Variants in IGFBP7 observed in about 807,000 individuals in gnomAD.
IGFBP7 encodes the protein insulin like growth factor binding protein 7, also known as insulin-like growth factor-binding protein 7.
In IGFBP7, 31 loss-of-function variants were observed where a neutral mutation model predicts 29.4. The observed-to-expected ratio is 1.05, with a 90% CI of 0.79 to 1.42. The LOEUF is 1.42. Among genes scored for constraint, IGFBP7 ranks in the 40% most tolerant of loss-of-function variants. The pLI, the probability that IGFBP7 is intolerant of heterozygous loss-of-function variation, is 0.00. For synonymous variants in IGFBP7, 172 were observed against 174.9 expected, an observed-to-expected ratio of 0.98 and a Z score of 0.13; for missense variants, 393 against 395.5, an observed-to-expected ratio of 0.99 and a Z score of 0.05.
intron 1 of IGFBP7, among the ~76,000 whole-genome samples, chr4:57,084,788 G>GTTTTTTTTTTTTTTTTTTT (rs57704332): frequency 1.8e-5 from 2 of 113,092 alleles, no homozygotes; most frequent in African/African-American, 6.9e-5. Flanking sequence ...TTTAAAAAAG[G>GTTTTTTTTTTTTTTTTTTT]TTTTTTTTTT....
intron 1 of IGFBP7, among the ~76,000 whole-genome samples, chr4:57,068,518 G>A (rs1377578891): frequency 6.6e-6 from 1 of 152,132 alleles, no homozygotes; most frequent in African/African-American, 2.4e-5. Flanking sequence ...AGTAACGGCA[G>A]AGAAAAATAA....
intron 1 of IGFBP7, among the ~76,000 whole-genome samples, chr4:57,044,564 TC>T (rs1298747257): frequency 6.6e-6 from 1 of 152,208 alleles, no homozygotes; most frequent in Non-Finnish European, 1.5e-5. Context: ...TCATTTTTCC[TC>T]CCCTAAAAGG....
At chr4:57,075,157 A>G (rs1308757132) in intron 1 of IGFBP7, among the ~76,000 whole-genome samples, 2 of 152,226 alleles carry the variant, frequency 1.3e-5, no homozygotes, top group Non-Finnish European at 2.9e-5. Context: ...CCATTTATTC[A>G]TGCTAAAATG....
Position 57,066,974 on chromosome 4 carries a change from G to GT in IGFBP7, c.476-26042dup, listed in dbSNP as rs61431158. Among the ~76,000 whole-genome samples, 1,352 of 142,596 alleles carry GT rather than the reference G, an allele frequency of 9.5e-3. 7 individuals are homozygous for GT. The highest frequency in any genetic ancestry group is 0.023 in the East Asian group (112 of 4,960). 93.5% of individuals were successfully genotyped at this position (142,596 alleles called of 152,430 possible). Reference sequence around the variant, plus strand: ...AATAATCATAATCTCTTTTTGGAAGGTTTTTTTTTTTTTGGTGTGTTTTTA... The same window carrying GT: ...AATAATCATAATCTCTTTTTGGAAGGTTTTTTTTTTTTTTGGTGTGTTTTTA... On this transcript the variant is annotated intron_variant, in intron 1 of 4. Coordinates refer to ENST00000295666, the MANE Select transcript of IGFBP7 (RefSeq NM_001553.3).
At chr4:57,066,253 T>C (rs1232428398) in intron 1 of IGFBP7, among the ~76,000 whole-genome samples, 1 of 152,176 alleles carries the variant, frequency 6.6e-6, no homozygotes, top group Non-Finnish European at 1.5e-5. Context: ...GATCACTTGC[T>C]CTGGGAGAAG....
intron 1 of IGFBP7, among the ~76,000 whole-genome samples, chr4:57,101,488 G>C (rs1222329221): frequency 6.6e-6 from 1 of 152,168 alleles, no homozygotes; most frequent in African/African-American, 2.4e-5. Context: ...ACATTGATGG[G>C]GGTGAGGCTT....
intron 1 of IGFBP7, among the ~76,000 whole-genome samples, chr4:57,053,434 G>A (rs1327716550): frequency 6.6e-6 from 1 of 152,124 alleles, no homozygotes. Context: ...GGTGGTTCTG[G>A]TACATGTGGT....
At chr4:57,081,012 G>A (rs1295881490) in intron 1 of IGFBP7, among the ~76,000 whole-genome samples, 1 of 152,182 alleles carries the variant, frequency 6.6e-6, no homozygotes, top group Non-Finnish European at 1.5e-5. Context: ...GCTGACAGAT[G>A]CCATCTGGTC....
At chr4:57,046,185 G>A (rs1239459380) in intron 1 of IGFBP7, among the ~76,000 whole-genome samples, 3 of 152,028 alleles carry the variant, frequency 2.0e-5, no homozygotes, top group Non-Finnish European at 4.4e-5. Context: ...GTTTTCGGTG[G>A]ATACAATGCC....
intron 1 of IGFBP7, among the ~76,000 whole-genome samples, chr4:57,055,323 C>G (rs1003606044): frequency 6.6e-6 from 1 of 151,966 alleles, no homozygotes; most frequent in African/African-American, 2.4e-5. Context: ...CTGGTCTGGG[C>G]GTGGAGTCTG....
chr4:57,033,194 C>A lies in IGFBP7; in HGVS notation c.702+1G>T. On this transcript the variant is annotated splice_donor_variant, in intron 3 of 4. Transcript: ENST00000295666. LOFTEE classifies it high-confidence loss of function. ...TGCCAGCTCTTGGTACTGGTACTCA[C>A]CAGCACCCAGCCAGTTACTTCATGC... The A allele has an allele frequency of 6.2e-7, 1 of 1,600,314 alleles. No homozygotes were observed. Among genetic ancestry groups the A allele is most frequent in the South Asian group, 1.1e-5 (1 of 90,862 alleles).
intron 1 of IGFBP7, among the ~76,000 whole-genome samples, chr4:57,070,475 G>GA (rs1725029138): frequency 6.6e-6 from 1 of 152,202 alleles, no homozygotes; most frequent in Admixed American, 6.5e-5. Context: ...ATGTCCTGCT[G>GA]AAAATCACAC....
intron 1 of IGFBP7, among the ~76,000 whole-genome samples, chr4:57,058,914 C>T (rs186236325): frequency 1.7e-3 from 266 of 152,146 alleles, no homozygotes; most frequent in Middle Eastern, 6.8e-3. Flanking sequence ...AAAAACCAAC[C>T]CCATTAAAAA....
In IGFBP7 at chr4:57,032,475, TG is replaced by T; in HGVS notation, c.779del (p.Ser260Ter). The T allele has an allele frequency of 6.2e-7, 1 of 1,614,110 alleles. No individual in the cohort carries two copies. The highest frequency in any genetic ancestry group is 8.5e-7 in the Non-Finnish European group (1 of 1,179,934). On this transcript the variant is annotated frameshift_variant, in exon 4 of 5. Transcript: ENST00000295666. LOFTEE classifies it high-confidence loss of function. ...ASNSQGQASA[S>X]AKITVVDALH... is the part of the protein sequence containing the mutation. The stretch of plus-strand genomic sequence containing the variant: ...AGGCATCAACCACTGTAATTTTTGC[TG>T]ATGCTGAAGCCTGTCCTTGGGAATT...
intron 1 of IGFBP7, among the ~76,000 whole-genome samples, chr4:57,074,711 T>G (rs564867973): frequency 3.7e-4 from 56 of 152,332 alleles, no homozygotes; most frequent in Non-Finnish European, 6.3e-4. Context: ...TTCAGACAGC[T>G]TGCTTCTTTT....
chr4:57,093,659 G>T (rs1028654706), intron 1 of IGFBP7, among the ~76,000 whole-genome samples: 25 of 152,226 alleles, frequency 1.6e-4, no homozygotes, highest in Non-Finnish European at 3.5e-4. Flanking sequence ...TAGGTAGAGT[G>T]AAGTGAATTT....
chr4:57,069,667 AAAAC>A (rs751306191), intron 1 of IGFBP7, among the ~76,000 whole-genome samples: 1 of 152,132 alleles, frequency 6.6e-6, no homozygotes, highest in Non-Finnish European at 1.5e-5. Flanking sequence ...TATCTCTAAA[AAAAC>A]AAACAAACAA....
intron 1 of IGFBP7, among the ~76,000 whole-genome samples, chr4:57,108,783 G>A (rs923782204): frequency 1.3e-5 from 2 of 152,020 alleles, no homozygotes; most frequent in Non-Finnish European, 2.9e-5. Context: ...TCCTGACCTC[G>A]TGATCTGCCC....
chr4:57,106,760 T>C (rs1039331250), intron 1 of IGFBP7, among the ~76,000 whole-genome samples: 5 of 152,180 alleles, frequency 3.3e-5, no homozygotes, highest in Admixed American at 2.6e-4. Flanking sequence ...GAACAAAAGG[T>C]ATAATCAGTA....
Sources: allele counts gnomAD v4.1 joint callset (sites outside exome capture counted in the v4.1 genomes callset), GRCh38; gene constraint gnomAD v4.1.1; transcripts MANE v1.5; gene names NCBI Gene and HGNC (gene_info 2026-07-23, HGNC 2026-07-21).